Variants in FIRRM observed in about 807,000 individuals in gnomAD.
FIRRM encodes FIGNL1-interacting regulator of recombination and mitosis.
chr1:169,845,924 A>G, the FIRRM span, among the ~76,000 whole-genome samples: 1 of 152,212 alleles, frequency 6.6e-6, no homozygotes, highest in Non-Finnish European at 1.5e-5. Flanking sequence ...TCCTTCCCAG[A>G]AGGTTTCCAA....
chr1:169,825,702 A>G, the FIRRM span, among the ~76,000 whole-genome samples: 6 of 152,196 alleles, frequency 3.9e-5, no homozygotes, highest in Non-Finnish European at 7.3e-5. Flanking sequence ...ACTGAGTCTC[A>G]GGGAGGGCAA....
At chr1:169,796,860 CT>C in the FIRRM span, among the ~76,000 whole-genome samples, 1 of 152,180 alleles carries the variant, frequency 6.6e-6, no homozygotes, top group Non-Finnish European at 1.5e-5. Flanking sequence ...TTCTCTCAGC[CT>C]TTTGCATATT....
chr1:169,801,787 C>T, the FIRRM span, among the ~76,000 whole-genome samples: 3 of 152,186 alleles, frequency 2.0e-5, no homozygotes, highest in African/African-American at 7.2e-5. Context: ...CAAAATGAAA[C>T]ATTATTTGTA....
the FIRRM span, chr1:169,795,300 C>T: frequency 6.9e-7 from 1 of 1,451,040 alleles, no homozygotes; most frequent in East Asian, 2.5e-5. Context: ...GACCCACCGC[C>T]AGGCTGGGTT....
At chr1:169,829,790 A>C in the FIRRM span, among the ~76,000 whole-genome samples, 15 of 152,344 alleles carry the variant, frequency 9.8e-5, no homozygotes, top group African/African-American at 3.6e-4. Context: ...TTTAAAAAGG[A>C]TAGAATTTGA....
chr1:169,798,879 C>A, the FIRRM span: 2 of 1,199,460 alleles, frequency 1.7e-6, no homozygotes, highest in Admixed American at 2.6e-5. Flanking sequence ...TAATGAATAC[C>A]CTATTACTAT....
At chr1:169,841,600 A>G in the FIRRM span, among the ~76,000 whole-genome samples, 2 of 152,232 alleles carry the variant, frequency 1.3e-5, no homozygotes, top group East Asian at 1.9e-4. Context: ...GTAAAAGTTA[A>G]TCCAGAAAAC....
At chr1:169,839,507 T>G in the FIRRM span, among the ~76,000 whole-genome samples, 1 of 152,092 alleles carries the variant, frequency 6.6e-6, no homozygotes, top group Non-Finnish European at 1.5e-5. Context: ...ATTTCCCTGA[T>G]AGCTTTTTCA....
At chr1:169,795,483 T>G in the FIRRM span, 1 of 1,239,274 alleles carries the variant, frequency 8.1e-7, no homozygotes, top group Non-Finnish European at 1.0e-6. Flanking sequence ...TTTTCTTCCA[T>G]TCCTTCTTTC....
chr1:169,783,960 A>G, the FIRRM span: 1 of 152,162 alleles, frequency 6.6e-6, no homozygotes, highest in Non-Finnish European at 1.5e-5. Flanking sequence ...TAACTTTTTA[A>G]TTCTTTGTAG....
chr1:169,789,630 T>C, the FIRRM span, among the ~76,000 whole-genome samples: 4 of 152,148 alleles, frequency 2.6e-5, no homozygotes, highest in South Asian at 8.3e-4. Context: ...TCCTAAATAA[T>C]CTGCAACCAA....
chr1:169,785,556 G>C, the FIRRM span, among the ~76,000 whole-genome samples: 1 of 152,078 alleles, frequency 6.6e-6, no homozygotes, highest in Admixed American at 6.6e-5. Context: ...TCCAGCAGCC[G>C]ATCTCCTCTC....
the FIRRM span, among the ~76,000 whole-genome samples, chr1:169,822,610 C>T: frequency 6.6e-6 from 1 of 152,098 alleles, no homozygotes; most frequent in African/African-American, 2.4e-5. Context: ...AGTGATTCTC[C>T]TGCCTCAGCC....
At chr1:169,845,142 AAGTG>A in the FIRRM span, among the ~76,000 whole-genome samples, 7 of 152,334 alleles carry the variant, frequency 4.6e-5, no homozygotes, top group Non-Finnish European at 2.9e-5. Context: ...CACCACAATA[AAGTG>A]AGTGAGTCAC....
the FIRRM span, chr1:169,832,534 G>A: frequency 2.3e-5 from 35 of 1,537,664 alleles, no homozygotes; most frequent in South Asian, 3.8e-4. Context: ...CTTTGTCACT[G>A]TCTGTGAAGC....
the FIRRM span, chr1:169,830,376 G>T: frequency 4.0e-6 from 6 of 1,506,928 alleles, no homozygotes; most frequent in Non-Finnish European, 5.5e-6. Context: ...CTTTGGATTG[G>T]TTATTAGTAG....
chr1:169,832,161 G>A, the FIRRM span, among the ~76,000 whole-genome samples: 1 of 152,122 alleles, frequency 6.6e-6, no homozygotes. Flanking sequence ...CTTTGAGTAG[G>A]AGGACTGACA....
At chr1:169,786,437 G>A in the FIRRM span, among the ~76,000 whole-genome samples, 2 of 152,090 alleles carry the variant, frequency 1.3e-5, no homozygotes, top group Non-Finnish European at 2.9e-5. Flanking sequence ...TTTTTAAAAC[G>A]CAAAGAGGGT....
the FIRRM span, among the ~76,000 whole-genome samples, chr1:169,817,761 C>A: frequency 6.6e-6 from 1 of 151,972 alleles, no homozygotes; most frequent in Non-Finnish European, 1.5e-5. Context: ...AAAATTTAAT[C>A]AGTATAAAAT....
Sources: gnomAD v4.1 joint callset for allele counts (sites outside exome capture counted in the v4.1 genomes callset) on GRCh38, gnomAD v4.1.1 for gene constraint, MANE v1.5 for transcripts, NCBI Gene and HGNC (gene_info 2026-07-23, HGNC 2026-07-21) for gene names.